The following GUCY2C variants were observed in gnomAD, a reference collection of about 807,000 sequenced individuals.
GUCY2C encodes the protein guanylate cyclase 2C.
GUCY2C carries 118 observed loss-of-function variants against 131.1 expected under a neutral mutation model. The observed-to-expected ratio is 0.90, with a 90% CI of 0.78 to 1.05. The LOEUF (loss-of-function observed/expected upper bound fraction) is 1.05, where lower values mean the gene tolerates loss of function less well. Ranked by LOEUF, GUCY2C falls within the 50% of genes least tolerant of loss-of-function variation. The pLI is 0.00. For missense variants in GUCY2C, 1,161 were observed against 1,304.4 expected (o/e 0.89, Z 1.69); for synonymous variants, 452 against 457.8 (o/e 0.99, Z 0.16).
chr12:14,673,339 A>G (rs1003836006), intron 8 of GUCY2C, among the ~76,000 whole-genome samples: 1 of 152,168 alleles, frequency 6.6e-6, no homozygotes, highest in Non-Finnish European at 1.5e-5. Flanking sequence ...AGGAAGATCA[A>G]AATTTTTTCA....
At chr12:14,641,024 G>A in intron 18 of GUCY2C, 58 bp downstream of exon 18, 1 of 1,542,988 alleles carries the variant, frequency 6.5e-7, no homozygotes, top group Non-Finnish European at 8.9e-7. Context: ...GTCTCAGTAA[G>A]CCTAGAAAGC....
chr12:14,619,256 C>T lies in GUCY2C; in HGVS notation c.2830G>A (p.Gly944Arg). The T allele has an allele frequency of 6.2e-7, 1 of 1,612,862 alleles. No homozygotes were observed. Among genetic ancestry groups the T allele is most frequent in the Non-Finnish European group, 8.5e-7 (1 of 1,178,912 alleles). Residue 944 changes from glycine (G) to arginine (R), a missense_variant, in exon 24 of 27, where the codon GGA (glycine) becomes AGA (arginine). Gly to Arg is a moderately radical substitution (Grantham distance 125, BLOSUM62 -2). Transcript: ENST00000261170. ...GIKMPRYCLFGDTVNTASRME... is the reference protein window; with the variant it reads ...GIKMPRYCLFRDTVNTASRME... ...CTAGAGGCTGTGTTGACCGTATCTC[C>T]AAATAGACAATAACGAGGCATCTTG...
chr12:14,632,292 A>G (rs1476678641), intron 19 of GUCY2C, among the ~76,000 whole-genome samples: 2 of 152,150 alleles, frequency 1.3e-5, no homozygotes, highest in Admixed American at 6.5e-5. Context: ...TTAGACATGA[A>G]GTCCTTGCCC....
intron 20 of GUCY2C, among the ~76,000 whole-genome samples, chr12:14,627,408 C>T (rs538019142): frequency 4.6e-5 from 7 of 152,192 alleles, no homozygotes; most frequent in African/African-American, 1.7e-4. Context: ...TTGAAACTGC[C>T]AGTACAGAGT....
rs1946679033 is a variant in GUCY2C at position 14,612,947 on chromosome 12, A to G, written c.*170T>C. On this transcript the variant is annotated 3_prime_UTR_variant, in exon 27 of 27. Coordinates refer to ENST00000261170, the MANE Select transcript of GUCY2C (RefSeq NM_004963.4). ...GGAAGGTAGTTATTTCACTGAGAAC[A>G]CACATCTGATTCATGCAAGAAAGTC... The G allele has an allele frequency of 1.7e-6, 1 of 584,462 alleles. No homozygotes were observed. The highest frequency in any genetic ancestry group is 3.1e-6 in the Non-Finnish European group (1 of 324,938). 36.2% of individuals were successfully genotyped at this position (584,462 alleles called of 1,614,324 possible).
At chr12:14,682,985 G>T (rs1948378852) in intron 4 of GUCY2C, 57 bp downstream of exon 4, 1 of 1,201,822 alleles carries the variant, frequency 8.3e-7, no homozygotes, top group Non-Finnish European at 1.2e-6. Flanking sequence ...TGGCCTGCAT[G>T]ATCCTATGGC....
chr12:14,684,173 A>T (rs187688247), intron 3 of GUCY2C, among the ~76,000 whole-genome samples: 268 of 152,280 alleles, frequency 1.8e-3, no homozygotes, highest in African/African-American at 6.0e-3. Context: ...GTCTCATTAA[A>T]TGCAACTTCC....
intron 11 of GUCY2C, among the ~76,000 whole-genome samples, chr12:14,659,275 C>T (rs1404661111): frequency 6.6e-6 from 1 of 152,162 alleles, no homozygotes; most frequent in African/African-American, 2.4e-5. Context: ...GAACTCCTGA[C>T]CTCATGATTC....
chr12:14,652,907 C>T, intron 13 of GUCY2C, 45 bp downstream of exon 13: 2 of 1,310,462 alleles, frequency 1.5e-6, no homozygotes, highest in Non-Finnish European at 2.2e-6. Context: ...TCAAAAGGCC[C>T]AGAGCATACC....
intron 24 of GUCY2C, 186 bp downstream of exon 24, chr12:14,619,015 ATAATTATCAG>A: frequency 1.9e-6 from 1 of 520,998 alleles, no homozygotes. Context: ...GAAGAATAAA[ATAATTATCAG>A]TAAACAACAA....
chr12:14,690,135 A>G (rs571367756), intron 1 of GUCY2C, among the ~76,000 whole-genome samples: 1 of 152,368 alleles, frequency 6.6e-6, no homozygotes, highest in East Asian at 1.9e-4. Context: ...CCTAAATTAG[A>G]TGAGAGTTTT....
chr12:14,650,285 G>A (rs989291567), intron 15 of GUCY2C, among the ~76,000 whole-genome samples: 5 of 152,110 alleles, frequency 3.3e-5, no homozygotes, highest in South Asian at 2.1e-4. Context: ...GTCTCGCTCT[G>A]TTGCCAGGTT....
intron 19 of GUCY2C, 135 bp from the exon 20 acceptor site, chr12:14,628,872 GATCC>G: frequency 1.6e-6 from 1 of 621,736 alleles, no homozygotes; most frequent in Non-Finnish European, 2.9e-6. Context: ...GCGGACAAGA[GATCC>G]CCAGCTCTCT....
chr12:14,668,769 C>T (rs956682552), intron 10 of GUCY2C, among the ~76,000 whole-genome samples: 1 of 151,994 alleles, frequency 6.6e-6, no homozygotes, highest in African/African-American at 2.4e-5. Flanking sequence ...ACAGATTGTC[C>T]TGAGGCCTCG....
intron 21 of GUCY2C, among the ~76,000 whole-genome samples, chr12:14,624,459 T>C (rs545451873): frequency 6.6e-6 from 1 of 151,762 alleles, no homozygotes; most frequent in African/African-American, 2.4e-5. Context: ...AATAAATTAA[T>C]TAATTAAATA....
intron 15 of GUCY2C, among the ~76,000 whole-genome samples, chr12:14,650,435 A>G (rs1947624425): frequency 6.6e-6 from 1 of 152,234 alleles, no homozygotes; most frequent in Non-Finnish European, 1.5e-5. Flanking sequence ...TTTAGTAGAG[A>G]TGGGGTTTCA....
At chr12:14,618,733 C>G (rs1592073353) in intron 24 of GUCY2C, among the ~76,000 whole-genome samples, 2 of 152,012 alleles carry the variant, frequency 1.3e-5, no homozygotes, top group African/African-American at 4.8e-5. Flanking sequence ...CCCAGGAGTT[C>G]AAGTTTACAG....
Position 14,612,996 on chromosome 12 carries a change from G to GCCTAAGT in GUCY2C, c.*114_*120dup. 2.6e-6 allele frequency: 2 copies of GCCTAAGT among 782,236 alleles called. No individual in the cohort carries two copies. The highest frequency in any genetic ancestry group is 3.4e-5 in the South Asian group (2 of 59,096). The allele number at this position is 782,236 out of a possible 1,614,324, so 48.5% of individuals were successfully genotyped here. On this transcript the variant is annotated 3_prime_UTR_variant, in exon 27 of 27. Coordinates refer to ENST00000261170, the MANE Select transcript of GUCY2C (RefSeq NM_004963.4). ...TCCATGTTCCAGACAGGGCAGCCAA[G>GCCTAAGT]CCTAAGTACATTTCTGCTTCATTGA...
At position 14,686,214 on chromosome 12, in the gene GUCY2C, C is replaced by T; in HGVS notation, c.342G>A (p.Arg114=). The T allele has an allele frequency of 1.2e-6, 2 of 1,606,100 alleles. No homozygotes were observed. Among genetic ancestry groups the T allele is most frequent in the South Asian group, 1.1e-5 (1 of 90,902 alleles). ...DLLRKISNAQ[R]MGCVLIGPSC... ...AGGGCCCTATGAGGACACAGCCCAT[C>T]CGTTGTGCATTCTGTAGGAGAGAAA... Residue 114 remains arginine, a synonymous_variant, in exon 3 of 27, where the codon CGG becomes CGA. Transcript: ENST00000261170.
Sources: gnomAD v4.1 joint callset for allele counts (sites outside exome capture counted in the v4.1 genomes callset) on GRCh38, gnomAD v4.1.1 for gene constraint, MANE v1.5 for transcripts, NCBI Gene and HGNC (gene_info 2026-07-23, HGNC 2026-07-21) for gene names.